Variants in GREB1L observed in about 807,000 individuals in gnomAD.
The protein encoded by GREB1L is GREB1-like protein.
Under a neutral mutation model 200.8 loss-of-function variants are expected in GREB1L, and 17 were observed. The ratio of observed to expected loss-of-function variants is 0.08; its 90% confidence interval spans 0.06 to 0.13. The LOEUF (loss-of-function observed/expected upper bound fraction) is 0.13, where lower values mean the gene tolerates loss of function less well. Among genes scored for constraint, GREB1L ranks in the 10% least tolerant of loss-of-function variants. The probability of loss-of-function intolerance (pLI) is 1.00; values close to 1 mark genes in which losing one functional copy is unlikely to be tolerated. For synonymous variants in GREB1L, 789 were observed against 893.0 expected (o/e 0.88, Z 2.08); for missense variants, 1,657 against 2,367.7 (o/e 0.70, Z 6.23).
intron 1 of GREB1L, among the ~76,000 whole-genome samples, chr18:21,320,752 C>G (rs532708388): frequency 6.8e-6 from 1 of 147,338 alleles, no homozygotes; most frequent in Admixed American, 6.8e-5. Flanking sequence ...GGCAACAGAA[C>G]GAGACTGTCT....
At chr18:21,335,586 G>C (rs1452496617) in intron 1 of GREB1L, among the ~76,000 whole-genome samples, 1 of 151,814 alleles carries the variant, frequency 6.6e-6, no homozygotes, top group Non-Finnish European at 1.5e-5. Flanking sequence ...AGACTTGAGA[G>C]TTTCTCAGCT....
intron 1 of GREB1L, among the ~76,000 whole-genome samples, chr18:21,319,138 G>A (rs879405538): frequency 2.6e-5 from 4 of 152,214 alleles, no homozygotes; most frequent in Non-Finnish European, 5.9e-5. Context: ...GTGACCATTT[G>A]TCAGTTTTTA....
At chr18:21,514,019 T>C (rs1212365433) in intron 28 of GREB1L, 33 bp downstream of exon 28, 7 of 1,536,582 alleles carry the variant, frequency 4.6e-6, no homozygotes, top group Non-Finnish European at 6.2e-6. Flanking sequence ...TATGACACAA[T>C]GCTATAGACA....
intron 16 of GREB1L, among the ~76,000 whole-genome samples, chr18:21,474,964 C>T (rs2035627468): frequency 6.6e-6 from 1 of 152,180 alleles, no homozygotes; most frequent in South Asian, 2.1e-4. Context: ...TCATCTCCCA[C>T]CGGGTCCCTC....
At chr18:21,378,504 G>A (rs1193575569) in intron 2 of GREB1L, among the ~76,000 whole-genome samples, 2 of 152,146 alleles carry the variant, frequency 1.3e-5, no homozygotes, top group Non-Finnish European at 2.9e-5. Flanking sequence ...CTTCAGAATA[G>A]CTGGGACTAC....
intron 1 of GREB1L, among the ~76,000 whole-genome samples, chr18:21,310,028 A>G (rs1323600620): frequency 1.3e-5 from 2 of 152,208 alleles, no homozygotes; most frequent in African/African-American, 2.4e-5. Flanking sequence ...AATGTTCTAT[A>G]CAGTAGTCAT....
intron 15 of GREB1L, among the ~76,000 whole-genome samples, chr18:21,457,592 G>A (rs1322299237): frequency 6.6e-6 from 1 of 151,986 alleles, no homozygotes; most frequent in Admixed American, 6.6e-5. Flanking sequence ...TTTTCACTTG[G>A]CATTACAGTG....
At chr18:21,281,156 A>G (rs2038262664) in intron 1 of GREB1L, among the ~76,000 whole-genome samples, 1 of 152,140 alleles carries the variant, frequency 6.6e-6, no homozygotes, top group Admixed American at 6.5e-5. Context: ...TGTAAAAGAG[A>G]ATTTCAGTTA....
chr18:21,373,754 C>G (rs1278199949), intron 2 of GREB1L, among the ~76,000 whole-genome samples: 1 of 152,146 alleles, frequency 6.6e-6, no homozygotes, highest in East Asian at 1.9e-4. Context: ...TTGTTCTTTT[C>G]TTTTTGAAGT....
intron 10 of GREB1L, among the ~76,000 whole-genome samples, chr18:21,442,153 G>A (rs2033935225): frequency 6.6e-6 from 1 of 152,194 alleles, no homozygotes; most frequent in Admixed American, 6.5e-5. Context: ...TGGAGGTATA[G>A]ACATTTAGGG....
In GREB1L at chr18:21,482,823, T is replaced by A. The variant is rs150246826; in HGVS notation, c.2557-2797T>A. Among the ~76,000 whole-genome samples the A allele has an allele frequency of 1.5e-3, 233 of 152,158 alleles. 2 individuals are homozygous for A. The highest frequency in any genetic ancestry group is 5.2e-3 in the African/African-American group (217 of 41,520). On this transcript the variant is annotated intron_variant, in intron 17 of 32. Transcript: ENST00000424526. The stretch of plus-strand genomic sequence containing the variant: ...TGGAGGGTCACTGAAAGGGCAGGCC[T>A]TCCACAGCGGGGAGTTTGCCTTATG...
At position 21,515,430 on chromosome 18, in the gene GREB1L, G is replaced by T. The variant is rs957746819; in HGVS notation, c.4915G>T (p.Val1639Leu). 5 of 1,549,792 alleles carry T rather than the reference G, an allele frequency of 3.2e-6. No individual in the cohort carries two copies. Among genetic ancestry groups the T allele is most frequent in the Non-Finnish European group, 4.4e-6 (5 of 1,145,376 alleles). The stretch of plus-strand genomic sequence containing the variant: ...TATATTTCATAGCCAGCCCATGGAA[G>T]TAGGAGTTTCCAGTAAGAATGTGTC... The part of the protein sequence containing the change: ...VQEPSSQPME[V>L]GVSSKNVSLK... The change falls in exon 29 of 33, where the codon GTA becomes TTA. Residue 1639 changes from valine to leucine, a missense_variant. By Grantham distance (32) the Val-to-Leu change is conservative (BLOSUM62 1). Transcript: ENST00000424526.
At chr18:21,412,044 TC>T (rs1394133538) in intron 7 of GREB1L, among the ~76,000 whole-genome samples, 1 of 101,316 alleles carries the variant, frequency 9.9e-6, no homozygotes. Context: ...AGAGCGAGAC[TC>T]CGTCTCAAAA....
chr18:21,371,783 CA>C (rs373133981), intron 2 of GREB1L, among the ~76,000 whole-genome samples: 6,497 of 77,722 alleles, frequency 0.084, 417 homozygotes, highest in African/African-American at 0.24. Context: ...GACTTCATCT[CA>C]AAAAAAAAAA....
chr18:21,425,037 A>T (rs1001952314), intron 7 of GREB1L, among the ~76,000 whole-genome samples: 5 of 152,234 alleles, frequency 3.3e-5, no homozygotes, highest in Non-Finnish European at 7.3e-5. Context: ...TAAACATATG[A>T]TACAAATAAA....
At chr18:21,248,545 C>T (rs1035647867) in intron 1 of GREB1L, among the ~76,000 whole-genome samples, 1 of 152,172 alleles carries the variant, frequency 6.6e-6, no homozygotes, top group African/African-American at 2.4e-5. Context: ...ATCACACAGA[C>T]ACTTTTTAAC....
At chr18:21,453,206 A>G (rs962652182) in intron 14 of GREB1L, among the ~76,000 whole-genome samples, 5 of 152,218 alleles carry the variant, frequency 3.3e-5, no homozygotes, top group African/African-American at 1.2e-4. Flanking sequence ...AACTGTATTA[A>G]AAGACAGATA....
chr18:21,251,609 T>A (rs926660092), intron 1 of GREB1L, among the ~76,000 whole-genome samples: 2 of 152,104 alleles, frequency 1.3e-5, no homozygotes, highest in Non-Finnish European at 2.9e-5. Flanking sequence ...GCCATAGACA[T>A]ATGATAGATT....
At chr18:21,485,581 C>T (rs771710164) in intron 17 of GREB1L, 39 bp from the exon 18 acceptor site, 16 of 1,542,024 alleles carry the variant, frequency 1.0e-5, no homozygotes, top group Non-Finnish European at 1.4e-5. Flanking sequence ...CACACTGTAT[C>T]CTGTCCTCAT....
Sources: allele counts gnomAD v4.1 joint callset (sites outside exome capture counted in the v4.1 genomes callset), GRCh38; gene constraint gnomAD v4.1.1; transcripts MANE v1.5; gene names NCBI Gene and HGNC (gene_info 2026-07-23, HGNC 2026-07-21).